The following MAP4 variants were observed in gnomAD, a reference collection of about 807,000 sequenced individuals.
MAP4 encodes microtubule associated protein 4.
In MAP4, 76 loss-of-function variants were observed where a neutral mutation model predicts 170.2. That is an observed-to-expected ratio of 0.45 (90% confidence interval 0.37 to 0.54). The LOEUF is 0.54. MAP4 is among the 20% of genes least tolerant of loss of function. The pLI is 0.00. For synonymous variants in MAP4, 909 were observed against 994.5 expected (o/e 0.91, Z 1.62); for missense variants, 2,506 against 2,748.0 (o/e 0.91, Z 1.97).
At position 47,894,435 on chromosome 3, in the gene MAP4, T is replaced by A. The variant is rs1040378311; in HGVS notation, c.5434+8515A>T. Among the ~76,000 whole-genome samples the A allele has an allele frequency of 3.3e-5, 5 of 151,786 alleles. No individual in the cohort carries two copies. In the East Asian group the frequency reaches 5.8e-4, roughly 18 times the overall value. The stretch of plus-strand genomic sequence containing the variant: ...GTCTCTACTAAAAAATACAAAAAAT[T>A]AGCTGGGCATGGTGGTGGGTGCCTG... On this transcript the variant is annotated intron_variant, in intron 10 of 20. Transcript: ENST00000683076.
At chr3:48,041,939 C>T (rs1459713127) in intron 1 of MAP4, among the ~76,000 whole-genome samples, 2 of 152,156 alleles carry the variant, frequency 1.3e-5, no homozygotes, top group East Asian at 1.9e-4. Flanking sequence ...GTAGCACACC[C>T]GAATTCCACC....
chr3:47,917,077 C>G lies in MAP4; in HGVS notation c.750G>C (p.Met250Ile). The G allele has an allele frequency of 1.9e-6, 3 of 1,614,158 alleles. No homozygotes were observed. The South Asian group carries it at 3.3e-5, about 18-fold the overall frequency. Reference sequence around the variant, plus strand: ...CCATCTCTGTTTCTTTAGATGGTGCCATGTCAGTAGTCTTCAGTCCCATCA... The same window carrying G: ...CCATCTCTGTTTCTTTAGATGGTGCGATGTCAGTAGTCTTCAGTCCCATCA... ...EIMMGLKTTD[M>I]APSKETEMAL... The change falls in exon 7 of 21, where the codon ATG becomes ATC. Residue 250 changes from methionine to isoleucine, a missense_variant. Met to Ile is a conservative substitution (Grantham distance 10). Coordinates refer to ENST00000683076, the MANE Select transcript of MAP4 (RefSeq NM_001385682.1).
Position 47,877,434 on chromosome 3 carries a change from G to C in MAP4, c.5524C>G (p.Pro1842Ala). 1 of 1,613,966 alleles carries C rather than the reference G, an allele frequency of 6.2e-7. No homozygotes were observed. Among genetic ancestry groups the C allele is most frequent in the Non-Finnish European group, 8.5e-7 (1 of 1,179,930 alleles). ...GCACCTACCTTTGTTTTCTTCTCTG[G>C]GCTTGGTGGGAGCTCCTTGTTCGGT... Reference protein sequence around the residue: ...TPPNKELPPSPEKKTKPLATT... With the variant: ...TPPNKELPPSAEKKTKPLATT... Residue 1842 changes from proline (P) to alanine (A), a missense_variant, in exon 11 of 21, where the codon CCA (proline) becomes GCA (alanine). Physicochemically the swap from Pro to Ala is conservative, Grantham distance 27. Transcript: ENST00000683076.
At chr3:48,071,031 A>T (rs1314686511) in intron 1 of MAP4, among the ~76,000 whole-genome samples, 1 of 152,076 alleles carries the variant, frequency 6.6e-6, no homozygotes, top group Non-Finnish European at 1.5e-5. Context: ...TCTCAAAAAA[A>T]TAAATAAAAT....
intron 1 of MAP4, among the ~76,000 whole-genome samples, chr3:48,057,480 C>G (rs1388502065): frequency 1.5e-5 from 2 of 131,548 alleles, no homozygotes; most frequent in Admixed American, 1.6e-4. Flanking sequence ...TGCGGAAGGC[C>G]GCAGGGTCCT....
Position 47,912,082 on chromosome 3 carries a change from T to A in MAP4, c.2339A>T (p.Tyr780Phe). ...AGGTCCTCCAGCCCGTGGTTGAGAA[T>A]ATCTCTTTTGCTTTGGTTTCTTCTT... ...KKKKKPKQKR[Y>F]SQPRAGGPSD... is the part of the protein sequence containing the mutation. Residue 780 changes from tyrosine to phenylalanine, a missense_variant, in exon 9 of 21, where the codon TAT becomes TTT. Physicochemically the swap from Tyr to Phe is conservative, Grantham distance 22. Coordinates refer to ENST00000683076, the MANE Select transcript of MAP4 (RefSeq NM_001385682.1). 1 of 1,536,192 alleles carries A rather than the reference T, an allele frequency of 6.5e-7. No individual in the cohort carries two copies. The highest frequency in any genetic ancestry group is 8.7e-7 in the Non-Finnish European group (1 of 1,146,920).
At chr3:47,890,988 GC>G (rs1394238041) in intron 10 of MAP4, 2 of 1,431,524 alleles carry the variant, frequency 1.4e-6, no homozygotes, top group South Asian at 2.9e-5. Flanking sequence ...CTTGCTGTCT[GC>G]TTGTTCCCAA....
At chr3:47,914,646 T>C (rs981632449) in intron 8 of MAP4, among the ~76,000 whole-genome samples, 171 bp downstream of exon 8, 2 of 151,634 alleles carry the variant, frequency 1.3e-5, no homozygotes, top group African/African-American at 4.8e-5. Flanking sequence ...TTTAAAGATA[T>C]AACAAGCTGA....
At chr3:47,998,202 AGG>A (rs1307261447) in intron 2 of MAP4, among the ~76,000 whole-genome samples, 1 of 152,224 alleles carries the variant, frequency 6.6e-6, no homozygotes, top group African/African-American at 2.4e-5. Flanking sequence ...CATCTGATCC[AGG>A]AAAATGGCAA....
intron 1 of MAP4, 40 bp from the exon 2 acceptor site, chr3:47,998,919 G>T: frequency 8.9e-7 from 1 of 1,120,230 alleles, no homozygotes; most frequent in Non-Finnish European, 1.3e-6. Flanking sequence ...AACGAGCACT[G>T]CAAAAGGAAA....
chr3:48,001,108 G>A (rs999148673), intron 1 of MAP4, among the ~76,000 whole-genome samples: 1 of 152,106 alleles, frequency 6.6e-6, no homozygotes, highest in African/African-American at 2.4e-5. Flanking sequence ...AGAGGCTTAA[G>A]AATCAAGATC....
At chr3:47,938,745 T>C (rs1277633044) in intron 3 of MAP4, among the ~76,000 whole-genome samples, 1 of 152,180 alleles carries the variant, frequency 6.6e-6, no homozygotes, top group African/African-American at 2.4e-5. Flanking sequence ...GGGACAGCCC[T>C]TTCATCTCTC....
chr3:47,878,031 T>A (rs532885966), intron 10 of MAP4, among the ~76,000 whole-genome samples: 1 of 152,252 alleles, frequency 6.6e-6, no homozygotes, highest in Admixed American at 6.5e-5. Context: ...ACCCAGATTT[T>A]CAACAAGGCC....
chr3:47,869,153 C>A, intron 16 of MAP4, 61 bp downstream of exon 16: 1 of 1,296,694 alleles, frequency 7.7e-7, no homozygotes, highest in South Asian at 1.2e-5. Flanking sequence ...GCATGTGGCT[C>A]AGGCTGGAAG....
Position 47,911,806 on chromosome 3 carries a change from T to C in MAP4, c.2615A>G (p.Gln872Arg). The change falls in exon 9 of 21, where the codon CAG becomes CGG. Residue 872 changes from glutamine to arginine, a missense_variant. Gln to Arg is a conservative substitution (Grantham distance 43). Around this residue, in one of 3 missense-constraint regions of MAP4, gnomAD observed 2,008 missense variants for 2,206.0 expected, o/e 0.91. Coordinates refer to ENST00000683076, the MANE Select transcript of MAP4 (RefSeq NM_001385682.1). This position sits in a 1 kb window ranked among gnomAD's most constrained non-coding sequence, Gnocchi z 4.0. ...EEAPKTAISS[Q>R]SKLRVEEESK... Reference sequence around the variant, plus strand: ...CTCTTCCTCTACTCTCAGCTTAGACTGAGAACTTATTGCAGTTTTGGGGGC... The same window carrying C: ...CTCTTCCTCTACTCTCAGCTTAGACCGAGAACTTATTGCAGTTTTGGGGGC... 6.5e-7 allele frequency: 1 copy of C among 1,536,178 alleles called. No homozygotes were observed. The highest frequency in any genetic ancestry group is 8.7e-7 in the Non-Finnish European group (1 of 1,146,906).
chr3:47,962,145 A>C (rs1269161760), intron 3 of MAP4, among the ~76,000 whole-genome samples: 1 of 152,212 alleles, frequency 6.6e-6, no homozygotes, highest in African/African-American at 2.4e-5. Flanking sequence ...CCTCTTAATT[A>C]GCATGTAATT....
Position 47,916,756 on chromosome 3 carries a change from T to C in MAP4, c.1071A>G (p.Ala357=). The change falls in exon 7 of 21, where the codon GCA becomes GCG. Residue 357 remains alanine, a synonymous_variant. Transcript: ENST00000683076. ...GGGCTAAGTCCATTTTTATAGGAGATGCCCTCTCTGTTTCTTTCAACAGTG... is the reference window on the plus strand; with the variant it reads ...GGGCTAAGTCCATTTTTATAGGAGACGCCCTCTCTGTTTCTTTCAACAGTG... The part of the protein sequence containing the change: ...DVTLLKETER[A]SPIKMDLAPS... 6.2e-7 allele frequency: 1 copy of C among 1,614,176 alleles called. No individual in the cohort carries two copies. The highest frequency in any genetic ancestry group is 1.3e-5 in the African/African-American group (1 of 75,046).
chr3:48,068,264 CAAAAAAAAAAA>C (rs34691079), intron 1 of MAP4, among the ~76,000 whole-genome samples: 8 of 106,728 alleles, frequency 7.5e-5, no homozygotes, highest in African/African-American at 2.4e-4. Context: ...GATTCTGTCT[CAAAAAAAAAAA>C]AAAAAAAAGG....
chr3:48,066,145 A>C (rs1381157941), intron 1 of MAP4, among the ~76,000 whole-genome samples: 1 of 152,188 alleles, frequency 6.6e-6, no homozygotes, highest in African/African-American at 2.4e-5. Context: ...GCTGTTGGTT[A>C]GATTCTCAAG....
Sources: gnomAD v4.1 joint callset for allele counts (sites outside exome capture counted in the v4.1 genomes callset) on GRCh38, gnomAD v4.1.1 for gene constraint, gnomAD v4.1.1 regional missense constraint, Gnocchi (gnomAD v3.1) non-coding constraint, MANE v1.5 for transcripts, NCBI Gene and HGNC (gene_info 2026-07-23, HGNC 2026-07-21) for gene names.